Variants in ZNF385D observed in about 807,000 individuals in gnomAD.
The protein encoded by ZNF385D is zinc finger protein 385D, also known as zinc finger protein 659.
ZNF385D carries 15 observed loss-of-function variants against 35.8 expected under a neutral mutation model. That is an observed-to-expected ratio of 0.42 (90% CI 0.28 to 0.64). The LOEUF is 0.64. Among genes scored for constraint, ZNF385D ranks in the 30% least tolerant of loss-of-function variants. The probability of loss-of-function intolerance (pLI) is 0.23; values close to 1 mark genes in which losing one functional copy is unlikely to be tolerated. For missense variants in ZNF385D, 474 were observed against 494.6 expected, an observed-to-expected ratio of 0.96 and a Z score of 0.39; for synonymous variants, 212 against 186.8, an observed-to-expected ratio of 1.13 and a Z score of -1.10.
rs199882061 is a variant in ZNF385D at position 21,602,512 on chromosome 3, A to ATTTTTTT, written c.166-37829_166-37828insAAAAAAA. Among the ~76,000 whole-genome samples the ATTTTTTT allele has an allele frequency of 1.4e-4, 13 of 90,204 alleles. 1 individual carries two copies. The highest frequency in any genetic ancestry group is 1.0e-3 in the South Asian group (3 of 2,894). The allele number at this position is 90,204 out of a possible 152,430, so 59.2% of individuals were successfully genotyped here. On this transcript the variant is annotated intron_variant, in intron 2 of 7. Coordinates refer to ENST00000281523, the MANE Select transcript of ZNF385D (RefSeq NM_024697.3). ...GAATTTAGGTCTCCTGTTTCCCTGC[A>ATTTTTTT]TTTTCTTTTTTTTTTTTTTTTTTTT...
In ZNF385D at chr3:22,168,854, T is replaced by C. The variant is rs1156581993; in HGVS notation, c.288A>G (p.Leu96=). The change falls in exon 3 of 6, where the codon TTA becomes TTG. Residue 96 remains leucine (L), a synonymous_variant. Transcript: ENST00000494108. ...TCAGCGTCCCATTGCTGAGTTGTTT[T>C]AATCTCTTTTGATGTGATTTGCCAT... 3.0e-6 allele frequency: 3 copies of C among 985,778 alleles called. No individual in the cohort carries two copies. In the African/African-American group the frequency reaches 5.2e-5, roughly 17 times the overall value. 61.1% of individuals were successfully genotyped at this position (985,778 alleles called of 1,614,324 possible). A position where few individuals can be genotyped will look rare whatever the true frequency, so the allele number is the denominator to read the frequency against.
intron 2 of ZNF385D, among the ~76,000 whole-genome samples, chr3:22,254,392 T>A (rs1700210733): frequency 6.6e-6 from 1 of 151,872 alleles, no homozygotes; most frequent in Non-Finnish European, 1.5e-5. Flanking sequence ...AGTGACAGAA[T>A]CCTGAAGAAA....
chr3:22,257,224 A>G (rs1700362320), intron 2 of ZNF385D, among the ~76,000 whole-genome samples: 1 of 151,844 alleles, frequency 6.6e-6, no homozygotes, highest in Non-Finnish European at 1.5e-5. Context: ...GCTATGTACC[A>G]TTAGACTGTA....
chr3:22,331,964 T>C (rs534672583), intron 2 of ZNF385D, among the ~76,000 whole-genome samples: 1 of 152,274 alleles, frequency 6.6e-6, no homozygotes, highest in South Asian at 2.1e-4. Context: ...ATATCACTTA[T>C]TAGATTTTTA....
intron 4 of ZNF385D, among the ~76,000 whole-genome samples, chr3:21,452,623 G>T (rs1461017131): frequency 6.6e-6 from 1 of 151,782 alleles, no homozygotes; most frequent in East Asian, 1.9e-4. Context: ...GCATGAAAAA[G>T]AATAAAATCT....
intron 4 of ZNF385D, among the ~76,000 whole-genome samples, chr3:21,496,735 G>A (rs1172845281): frequency 6.6e-6 from 1 of 151,468 alleles, no homozygotes; most frequent in East Asian, 1.9e-4. Context: ...TGAAGTACAG[G>A]GTTGGTTCAA....
chr3:22,048,226 C>G (rs1003017908), intron 3 of ZNF385D, among the ~76,000 whole-genome samples: 1 of 151,856 alleles, frequency 6.6e-6, no homozygotes, highest in Non-Finnish European at 1.5e-5. Context: ...CTTTCCTATG[C>G]AGAATTTTTT....
At chr3:22,183,546 C>T (rs1409560879) in intron 2 of ZNF385D, among the ~76,000 whole-genome samples, 7 of 151,978 alleles carry the variant, frequency 4.6e-5, no homozygotes, top group South Asian at 2.1e-4. Context: ...TTAGTAGAGA[C>T]GGTGTTTCAC....
chr3:22,233,854 G>A (rs1699031370), intron 2 of ZNF385D, among the ~76,000 whole-genome samples: 1 of 151,910 alleles, frequency 6.6e-6, no homozygotes, highest in African/African-American at 2.4e-5. Flanking sequence ...ACAATTTAAT[G>A]GTTGCATTAA....
At chr3:22,158,611 T>C (rs1705741248) in intron 3 of ZNF385D, among the ~76,000 whole-genome samples, 1 of 152,030 alleles carries the variant, frequency 6.6e-6, no homozygotes, top group African/African-American at 2.4e-5. Context: ...CTTGAAAAAC[T>C]CAAAATTAAT....
intron 2 of ZNF385D, among the ~76,000 whole-genome samples, chr3:22,233,668 T>A (rs1259962172): frequency 3.3e-5 from 5 of 152,072 alleles, no homozygotes; most frequent in Admixed American, 2.6e-4. Context: ...CCCACACCAC[T>A]TCACTGAAAT....
intron 2 of ZNF385D, among the ~76,000 whole-genome samples, chr3:21,657,637 C>T (rs915370834): frequency 1.1e-4 from 17 of 152,038 alleles, no homozygotes; most frequent in African/African-American, 3.1e-4. Context: ...GTATTTACGA[C>T]GGCATTTTTC....
chr3:21,618,408 G>C (rs575275053), intron 2 of ZNF385D, among the ~76,000 whole-genome samples: 1 of 152,186 alleles, frequency 6.6e-6, no homozygotes. Flanking sequence ...CCTTCAGAAG[G>C]AGCCAGTCTT....
intron 2 of ZNF385D, among the ~76,000 whole-genome samples, chr3:21,580,691 A>AAT (rs35522503): frequency 0.2 from 30,237 of 151,506 alleles, 3,755 homozygotes; most frequent in Non-Finnish European, 0.28. Flanking sequence ...ATTCCAAGAT[A>AAT]ATATATATAT....
chr3:22,350,981 T>C (rs1695888796), intron 2 of ZNF385D, among the ~76,000 whole-genome samples: 1 of 152,026 alleles, frequency 6.6e-6, no homozygotes, highest in African/African-American at 2.4e-5. Flanking sequence ...ATATCATAAT[T>C]AGGACATGTT....
chr3:22,229,192 T>G (rs758422991), intron 2 of ZNF385D, among the ~76,000 whole-genome samples: 7 of 152,228 alleles, frequency 4.6e-5, no homozygotes, highest in Non-Finnish European at 8.8e-5. Flanking sequence ...TTTTATTGTT[T>G]CACCAGTCAT....
chr3:22,160,454 A>T (rs1013666841), intron 3 of ZNF385D, among the ~76,000 whole-genome samples: 5 of 152,112 alleles, frequency 3.3e-5, no homozygotes, highest in African/African-American at 1.2e-4. Flanking sequence ...AGTACGATAA[A>T]AATCTATGAA....
chr3:21,880,628 T>A (rs1221653894), intron 3 of ZNF385D, among the ~76,000 whole-genome samples: 1 of 151,976 alleles, frequency 6.6e-6, no homozygotes, highest in Non-Finnish European at 1.5e-5. Context: ...AACCCTACAA[T>A]GGCCTCTAAG....
At chr3:22,363,001 G>C (rs1284569761) in intron 2 of ZNF385D, among the ~76,000 whole-genome samples, 2 of 152,106 alleles carry the variant, frequency 1.3e-5, no homozygotes, top group South Asian at 2.1e-4. Flanking sequence ...TGTTCTACGA[G>C]ATCAGCAAAG....
Sources: allele counts gnomAD v4.1 joint callset (sites outside exome capture counted in the v4.1 genomes callset), GRCh38; gene constraint gnomAD v4.1.1; transcripts MANE v1.5; gene names NCBI Gene and HGNC (gene_info 2026-07-23, HGNC 2026-07-21).